SNED1: variants seen among roughly 807,000 people sequenced by gnomAD.
SNED1 encodes the protein sushi, nidogen and EGF like domains 1.
SNED1 carries 81 observed loss-of-function variants against 166.7 expected under a neutral mutation model. The observed-to-expected ratio is 0.49, with a 90% CI of 0.41 to 0.58. The LOEUF (loss-of-function observed/expected upper bound fraction) is 0.58. Ranked by LOEUF, SNED1 falls within the 20% of genes least tolerant of loss-of-function variation. The pLI, the probability that SNED1 is intolerant of heterozygous loss-of-function variation, is 0.00. For synonymous variants in SNED1, 762 were observed against 822.0 expected (o/e 0.93, Z 1.25); for missense variants, 1,604 against 2,000.2 (o/e 0.80, Z 3.78).
chr2:241,040,317 C>T lies in SNED1; in HGVS notation c.1177C>T (p.Pro393Ser). Residue 393 changes from proline to serine, a missense_variant, in exon 8 of 32, where the codon CCT (proline) becomes TCT (serine). Physicochemically the swap from Pro to Ser is moderately conservative, Grantham distance 74. Transcript: ENST00000310397. ...ACEMDVDDCS[P>S]DPCLNGGSCV... ...CCCCTCAGATGTGGACGACTGCAGCCCTGACCCCTGCCTGAATGGAGGCTC... is the reference window on the plus strand; with the variant it reads ...CCCCTCAGATGTGGACGACTGCAGCTCTGACCCCTGCCTGAATGGAGGCTC... The T allele has an allele frequency of 6.2e-7, 1 of 1,606,162 alleles. No homozygotes were observed. The highest frequency in any genetic ancestry group is 8.5e-7 in the Non-Finnish European group (1 of 1,176,336).
intron 1 of SNED1, among the ~76,000 whole-genome samples, chr2:241,019,712 G>A (rs928176065): frequency 6.6e-6 from 1 of 152,222 alleles, no homozygotes; most frequent in Admixed American, 6.5e-5. Context: ...CACCCTTACC[G>A]TGGGCACCTG....
chr2:241,069,739 G>T lies in SNED1; in HGVS notation c.3308-181G>T, dbSNP rs1004702469. ...GCAACCAGGGGCCTGCAGGTCTCTCGGTTGGAAGATTGTGCTGTACGTGCC... is the reference window on the plus strand; with the variant it reads ...GCAACCAGGGGCCTGCAGGTCTCTCTGTTGGAAGATTGTGCTGTACGTGCC... On this transcript the variant is annotated intron_variant, in intron 23 of 31. Transcript: ENST00000310397. The surrounding 1 kb of genome is among the most constrained non-coding windows in gnomAD (Gnocchi z 4.9). Among the ~76,000 whole-genome samples the T allele has an allele frequency of 1.3e-5, 2 of 152,080 alleles. No individual in the cohort carries two copies. The highest frequency in any genetic ancestry group is 4.8e-5 in the African/African-American group (2 of 41,418).
At position 240,998,854 on chromosome 2, in the gene SNED1, C is replaced by T; in HGVS notation, c.17C>T (p.Ala6Val). Reference sequence around the variant, plus strand: ...ACCTCCGCGATGCGGCACGGCGTCGCCTGGGCGCTGCTGGTGGCCGCGGCC... The same window carrying T: ...ACCTCCGCGATGCGGCACGGCGTCGTCTGGGCGCTGCTGGTGGCCGCGGCC... The part of the protein sequence containing the change: MRHGV[A>V]WALLVAAALG... The change falls in exon 1 of 32, where the codon GCC becomes GTC. Residue 6 changes from alanine (A) to valine (V), a missense_variant. Physicochemically the swap from Ala to Val is moderately conservative, Grantham distance 64 (BLOSUM62 0). Coordinates refer to ENST00000310397, the MANE Select transcript of SNED1 (RefSeq NM_001080437.3). 1 of 1,204,840 alleles carries T rather than the reference C, an allele frequency of 8.3e-7. No individual in the cohort carries two copies. Among genetic ancestry groups the T allele is most frequent in the Non-Finnish European group, 1.0e-6 (1 of 973,376 alleles). 74.6% of individuals were successfully genotyped at this position (1,204,840 alleles called of 1,614,324 possible).
In SNED1 at chr2:241,094,083, T is replaced by C; in HGVS notation, c.*2447T>C. On this transcript the variant is annotated 3_prime_UTR_variant, in exon 32 of 32. Transcript: ENST00000310397. This position sits in a 1 kb window ranked among gnomAD's most constrained non-coding sequence, Gnocchi z 4.3. The stretch of plus-strand genomic sequence containing the variant: ...CGGGATGCCACAATGGAAGAGAAAA[T>C]GAAAACACTGGCACAGTGAAATGTC... 1 of 330,900 alleles carries C rather than the reference T, an allele frequency of 3.0e-6. No homozygotes were observed. Among genetic ancestry groups the C allele is most frequent in the South Asian group, 2.4e-5 (1 of 42,200 alleles). 20.5% of individuals were successfully genotyped at this position (330,900 alleles called of 1,614,324 possible).
intron 29 of SNED1, among the ~76,000 whole-genome samples, chr2:241,083,136 G>C (rs1294150207): frequency 6.6e-6 from 1 of 152,238 alleles, no homozygotes; most frequent in Admixed American, 6.5e-5. Flanking sequence ...GAGATGACAG[G>C]ACGAGACCAG....
Position 241,072,555 on chromosome 2 carries a change from C to T in SNED1, c.3817+677C>T, listed in dbSNP as rs115679838. 1,938 of 305,434 alleles carry T rather than the reference C, an allele frequency of 6.3e-3. 11 individuals are homozygous for T. Among genetic ancestry groups the T allele is most frequent in the Non-Finnish European group, 8.9e-3 (1,412 of 158,404 alleles). 18.9% of individuals were successfully genotyped at this position (305,434 alleles called of 1,614,324 possible). A position where few individuals can be genotyped will look rare whatever the true frequency, so the allele number is the denominator to read the frequency against. Reference sequence around the variant, plus strand: ...AGAGCCTAGTCACCAGTTTAATGAACACGCTCTGAGCAAAAACTCCTCAGG... The same window carrying T: ...AGAGCCTAGTCACCAGTTTAATGAATACGCTCTGAGCAAAAACTCCTCAGG... On this transcript the variant is annotated intron_variant, in intron 26 of 31. Transcript: ENST00000310397.
rs2062922593 is a variant in SNED1 at position 241,074,480 on chromosome 2, TG to T, written c.3916+1117del. On this transcript the variant is annotated intron_variant, in intron 27 of 31. Coordinates refer to ENST00000310397, the MANE Select transcript of SNED1 (RefSeq NM_001080437.3). Reference sequence around the variant, plus strand: ...ACATTTCATCAGATGATTTGCATTATGTCAGCCCCTTTAAATACCAGGTGTT... The same window carrying T: ...ACATTTCATCAGATGATTTGCATTATTCAGCCCCTTTAAATACCAGGTGTT... 4 of 152,326 alleles carry T rather than the reference TG, an allele frequency of 2.6e-5. No homozygotes were observed. The East Asian group carries it at 7.7e-4, about 29-fold the overall frequency. The allele number at this position is 152,326 out of a possible 1,614,324, so 9.4% of individuals were successfully genotyped here. A position where few individuals can be genotyped will look rare whatever the true frequency, so the allele number is the denominator to read the frequency against.
chr2:241,068,465 G>A lies in SNED1; in HGVS notation c.3195-446G>A, dbSNP rs777997496. Among the ~76,000 whole-genome samples the A allele has an allele frequency of 2.0e-5, 3 of 152,230 alleles. No homozygotes were observed. Among genetic ancestry groups the A allele is most frequent in the Non-Finnish European group, 2.9e-5 (2 of 68,004 alleles). On this transcript the variant is annotated intron_variant, in intron 22 of 31. Coordinates refer to ENST00000310397, the MANE Select transcript of SNED1 (RefSeq NM_001080437.3). This position sits in a 1 kb window ranked among gnomAD's most constrained non-coding sequence, Gnocchi z 5.3. The stretch of plus-strand genomic sequence containing the variant: ...CGTGCTCAGCGCAGGCAGGGGTGCA[G>A]GAAAAGATCGGAGAGCGAGTGGGAA...
chr2:241,086,494 C>T (rs1215966334), intron 29 of SNED1, among the ~76,000 whole-genome samples: 4 of 152,220 alleles, frequency 2.6e-5, no homozygotes. Context: ...GGCTGAATTC[C>T]AGGCTGACCA....
At chr2:241,081,364 C>T (rs74000358) in intron 27 of SNED1, among the ~76,000 whole-genome samples, 15,058 of 152,206 alleles carry the variant, frequency 0.099, 957 homozygotes, top group African/African-American at 0.18. Flanking sequence ...GGGCTCAGCA[C>T]TGAAGGCCCC....
chr2:241,027,691 C>T (rs1012642608), intron 1 of SNED1, among the ~76,000 whole-genome samples: 1 of 151,492 alleles, frequency 6.6e-6, no homozygotes, highest in Non-Finnish European at 1.5e-5. Context: ...CACAAGGGTT[C>T]CAATTTCTCC....
intron 16 of SNED1, among the ~76,000 whole-genome samples, chr2:241,056,742 G>A (rs910544896): frequency 3.3e-5 from 5 of 151,702 alleles, no homozygotes; most frequent in Non-Finnish European, 5.9e-5. Context: ...CACCACGCCC[G>A]GCTAATTTTT....
chr2:241,052,910 G>C (rs996142489), intron 15 of SNED1, among the ~76,000 whole-genome samples: 3 of 151,416 alleles, frequency 2.0e-5, no homozygotes, highest in Non-Finnish European at 4.4e-5. Flanking sequence ...AGGGCTAGAG[G>C]GGGGTCAAGT....
chr2:241,081,241 G>A (rs1203885867), intron 27 of SNED1, among the ~76,000 whole-genome samples: 1 of 150,618 alleles, frequency 6.6e-6, no homozygotes, highest in Non-Finnish European at 1.5e-5. Context: ...CAAGTGAGCA[G>A]TAAGTCACAT....
intron 30 of SNED1, 178 bp downstream of exon 30, chr2:241,087,653 G>T (rs1316423324): frequency 1.9e-5 from 27 of 1,406,498 alleles, no homozygotes; most frequent in Non-Finnish European, 2.3e-5. Flanking sequence ...CCATATATGT[G>T]CATGTGAGCA....
Position 241,001,341 on chromosome 2 carries a change from C to T in SNED1, c.213+2291C>T, listed in dbSNP as rs141416171. ...AGATGGGTGCTTCTTCTGTCTTCAT[C>T]AGAAATAGCACATGGATTACTGCCC... is the stretch of plus-strand genomic sequence containing the variant. On this transcript the variant is annotated intron_variant, in intron 1 of 31. Coordinates refer to ENST00000310397, the MANE Select transcript of SNED1 (RefSeq NM_001080437.3). Among the ~76,000 whole-genome samples the T allele has an allele frequency of 6.6e-5, 10 of 152,382 alleles. No homozygotes were observed. In the East Asian group the frequency reaches 1.9e-3, roughly 29 times the overall value.
In SNED1 at chr2:241,072,113, G is replaced by A. The variant is rs1156464515; in HGVS notation, c.3817+235G>A. On this transcript the variant is annotated intron_variant, in intron 26 of 31. Transcript: ENST00000310397. ...GCCTCACGTCAGTGTGTGGGCTGGA[G>A]GCGCAGGCTGCTGGTAGGGCACGCA... 4.3e-6 allele frequency: 3 copies of A among 698,648 alleles called. No individual in the cohort carries two copies. The African/African-American group carries it at 5.2e-5, about 12-fold the overall frequency. 43.3% of individuals were successfully genotyped at this position (698,648 alleles called of 1,614,324 possible).
rs1225947032 is a variant in SNED1, at chr2:241,094,491, C to A, written c.*2855C>A. 6.6e-6 allele frequency: 3 copies of A among 455,270 alleles called. No homozygotes were observed. The highest frequency in any genetic ancestry group is 1.4e-5 in the Non-Finnish European group (3 of 218,846). The allele number at this position is 455,270 out of a possible 1,614,324, so 28.2% of individuals were successfully genotyped here. A position where few individuals can be genotyped will look rare whatever the true frequency, so the allele number is the denominator to read the frequency against. On this transcript the variant is annotated 3_prime_UTR_variant, in exon 32 of 32. Transcript: ENST00000310397. The surrounding 1 kb of genome is among the most constrained non-coding windows in gnomAD (Gnocchi z 4.3). ...TGAATCCCCACAATTGCATGCAGCT[C>A]ACACCTACCAGGGGTATTCCAGTGC...
At chr2:241,050,018 T>G (rs1016492886) in intron 12 of SNED1, 85 bp downstream of exon 12, 5 of 1,018,314 alleles carry the variant, frequency 4.9e-6, no homozygotes, top group Non-Finnish European at 7.7e-6. Flanking sequence ...GCTGTCTCTC[T>G]CCTTGTTTCG....
Sources: gnomAD v4.1 joint callset for allele counts (sites outside exome capture counted in the v4.1 genomes callset) on GRCh38, gnomAD v4.1.1 for gene constraint, Gnocchi (gnomAD v3.1) non-coding constraint, MANE v1.5 for transcripts, NCBI Gene and HGNC (gene_info 2026-07-23, HGNC 2026-07-21) for gene names.